Variants in ZSWIM6 observed in about 807,000 individuals in gnomAD.
ZSWIM6 encodes zinc finger SWIM-type containing 6, also known as zinc finger SWIM domain-containing protein 6.
A neutral mutation model predicts 113.2 loss-of-function variants in ZSWIM6; 9 were observed. That is an observed-to-expected ratio of 0.08 (90% CI 0.05 to 0.14). The LOEUF (loss-of-function observed/expected upper bound fraction) is 0.14, where lower values mean the gene tolerates loss of function less well. Among genes scored for constraint, ZSWIM6 ranks in the 10% least tolerant of loss-of-function variants. The pLI is 1.00. For synonymous variants in ZSWIM6, 611 were observed against 606.5 expected (o/e 1.01, Z -0.11); for missense variants, 1,162 against 1,552.2 (o/e 0.75, Z 4.22).
At chr5:61,338,075 GAGAAA>G (rs1340436464) in intron 1 of ZSWIM6, among the ~76,000 whole-genome samples, 1 of 151,886 alleles carries the variant, frequency 6.6e-6, no homozygotes, top group African/African-American at 2.4e-5. Context: ...TTACTTTTGG[GAGAAA>G]AGAATATCGC....
intron 1 of ZSWIM6, among the ~76,000 whole-genome samples, chr5:61,358,839 A>G (rs1286637441): frequency 6.6e-6 from 1 of 152,216 alleles, no homozygotes; most frequent in East Asian, 1.9e-4. Flanking sequence ...CATAGCACAC[A>G]GAAAATAATT....
In ZSWIM6 at chr5:61,503,123, C is replaced by T. The variant is rs111806848; in HGVS notation, c.1333+8713C>T. Among the ~76,000 whole-genome samples the T allele has an allele frequency of 4.7e-3, 721 of 152,282 alleles. 3 individuals carry two copies. The highest frequency in any genetic ancestry group is 0.017 in the African/African-American group (701 of 41,566). On this transcript the variant is annotated intron_variant, in intron 4 of 13. Transcript: ENST00000252744. ...AAGCTTGTCTGATAATTGTATAACA[C>T]TGTTTTCATGTTTTATTTTAAAATT...
chr5:61,396,488 G>A (rs1306682577), intron 1 of ZSWIM6, among the ~76,000 whole-genome samples: 1 of 143,040 alleles, frequency 7.0e-6, no homozygotes, highest in Non-Finnish European at 1.5e-5. Flanking sequence ...CCGACATCGC[G>A]CCACTGCACT....
At position 61,332,513 on chromosome 5, in the gene ZSWIM6, G is replaced by A; in HGVS notation, c.241G>A (p.Ala81Thr). The A allele has an allele frequency of 1.5e-6, 2 of 1,316,742 alleles. No individual in the cohort carries two copies. Among genetic ancestry groups the A allele is most frequent in the Admixed American group, 2.6e-5 (1 of 39,156 alleles). 81.6% of individuals were successfully genotyped at this position (1,316,742 alleles called of 1,614,324 possible). Residue 81 changes from alanine to threonine, a missense_variant, in exon 1 of 14, where the codon GCG becomes ACG. By Grantham distance (58) the Ala-to-Thr change is moderately conservative (BLOSUM62 0). This residue lies in a region of ZSWIM6 where 333 missense variants were observed against 293.4 expected (regional missense o/e 1.13). Coordinates refer to ENST00000252744, the MANE Select transcript of ZSWIM6 (RefSeq NM_020928.2). The stretch of plus-strand genomic sequence containing the variant: ...GAGCCCCGAGTCGCTGCTGGACATC[G>A]CGGCGCGCAGGGTGGCGGAGAAGTG... Reference protein sequence around the residue: ...TQSPESLLDIAARRVAEKWPF... With the variant: ...TQSPESLLDITARRVAEKWPF...
intron 4 of ZSWIM6, among the ~76,000 whole-genome samples, chr5:61,514,465 A>G (rs962897623): frequency 1.3e-5 from 2 of 151,818 alleles, no homozygotes; most frequent in Admixed American, 1.3e-4. Flanking sequence ...TCTTAGGGGA[A>G]GAATATTCAG....
chr5:61,339,981 A>G (rs966893446), intron 1 of ZSWIM6, among the ~76,000 whole-genome samples: 2 of 152,214 alleles, frequency 1.3e-5, no homozygotes, highest in Non-Finnish European at 2.9e-5. Flanking sequence ...TGTCTTGTGA[A>G]GAGACGTTTT....
At position 61,521,273 on chromosome 5, in the gene ZSWIM6, G is replaced by T. The variant is rs1242934936; in HGVS notation, c.1344G>T (p.Trp448Cys). ...CCTCCTTTAAATTAGGTGCTCTGTGGATGTGTATAGTTTTAAACCCCCACT... is the reference window on the plus strand; with the variant it reads ...CCTCCTTTAAATTAGGTGCTCTGTGTATGTGTATAGTTTTAAACCCCCACT... ...RQLWDELGALWMCIVLNPHCK... is the reference protein window; with the variant it reads ...RQLWDELGALCMCIVLNPHCK... The change falls in exon 5 of 14, where the codon TGG becomes TGT. Residue 448 changes from tryptophan (W) to cysteine (C), a missense_variant. By Grantham distance (215) the Trp-to-Cys change is radical. This residue lies in a region of ZSWIM6 where 620 missense variants were observed against 804.6 expected (regional missense o/e 0.77). Transcript: ENST00000252744. The T allele has an allele frequency of 7.1e-7, 1 of 1,416,800 alleles. No homozygotes were observed. Among genetic ancestry groups the T allele is most frequent in the Admixed American group, 2.6e-5 (1 of 38,882 alleles). The allele number at this position is 1,416,800 out of a possible 1,614,324, so 87.8% of individuals were successfully genotyped here.
At chr5:61,333,033 G>A in intron 1 of ZSWIM6, 85 bp downstream of exon 1, 2 of 1,076,174 alleles carry the variant, frequency 1.9e-6, no homozygotes, top group Non-Finnish European at 2.3e-6. Flanking sequence ...CCTGCGGACA[G>A]CCCCTAGTTC....
At chr5:61,384,045 T>C (rs1330610116) in intron 1 of ZSWIM6, among the ~76,000 whole-genome samples, 2 of 149,610 alleles carry the variant, frequency 1.3e-5, no homozygotes, top group East Asian at 4.0e-4. Context: ...ATCGAGACCA[T>C]CCTGGCTAAC....
At chr5:61,513,982 G>A (rs1748863877) in intron 4 of ZSWIM6, among the ~76,000 whole-genome samples, 1 of 151,970 alleles carries the variant, frequency 6.6e-6, no homozygotes, top group South Asian at 2.1e-4. Context: ...CACTGGCTAG[G>A]ATTTTCAGTG....
intron 1 of ZSWIM6, among the ~76,000 whole-genome samples, chr5:61,452,444 G>T (rs1272289859): frequency 6.6e-6 from 1 of 151,968 alleles, no homozygotes; most frequent in East Asian, 1.9e-4. Flanking sequence ...CCGTTCTCAT[G>T]GTATGAAAAA....
chr5:61,483,130 C>T lies in ZSWIM6; in HGVS notation c.1034-7656C>T, dbSNP rs542794939. Among the ~76,000 whole-genome samples the T allele has an allele frequency of 2.4e-4, 37 of 152,304 alleles. No individual in the cohort carries two copies. In the South Asian group the frequency reaches 7.0e-3, roughly 29 times the overall value. ...GACTGAGAAGTCCAAGGTTGAGAGG[C>T]TGCATCTTGTGGGAGCCTTCTTGCT... On this transcript the variant is annotated intron_variant, in intron 2 of 13. Transcript: ENST00000252744.
chr5:61,392,125 A>T (rs997941148), intron 1 of ZSWIM6, among the ~76,000 whole-genome samples: 2 of 152,224 alleles, frequency 1.3e-5, no homozygotes, highest in Non-Finnish European at 2.9e-5. Flanking sequence ...TATGTGAGAT[A>T]TCTTTATGTA....
At chr5:61,407,516 G>A (rs1346988471) in intron 1 of ZSWIM6, among the ~76,000 whole-genome samples, 1 of 151,836 alleles carries the variant, frequency 6.6e-6, no homozygotes, top group Non-Finnish European at 1.5e-5. Flanking sequence ...TTACCAAACT[G>A]GAAAAAATTT....
intron 1 of ZSWIM6, among the ~76,000 whole-genome samples, chr5:61,334,826 T>G (rs1489183512): frequency 6.6e-6 from 1 of 152,170 alleles, no homozygotes; most frequent in Non-Finnish European, 1.5e-5. Flanking sequence ...TGGAAGCACA[T>G]CTATGGCTTC....
intron 2 of ZSWIM6, 144 bp from the exon 3 acceptor site, chr5:61,490,642 C>T: frequency 1.3e-6 from 1 of 752,866 alleles, no homozygotes; most frequent in Non-Finnish European, 2.0e-6. Context: ...TAAGAGTGAT[C>T]CTTGTATTTA....
At chr5:61,422,113 G>A (rs1290886990) in intron 1 of ZSWIM6, among the ~76,000 whole-genome samples, 1 of 152,292 alleles carries the variant, frequency 6.6e-6, no homozygotes, top group Admixed American at 6.5e-5. Flanking sequence ...GCCTGTGCTT[G>A]TGGGATATTA....
At chr5:61,381,940 G>A (rs1288968990) in intron 1 of ZSWIM6, among the ~76,000 whole-genome samples, 1 of 152,168 alleles carries the variant, frequency 6.6e-6, no homozygotes, top group Non-Finnish European at 1.5e-5. Context: ...AATGAATTTG[G>A]TTGTAGCTAA....
intron 1 of ZSWIM6, among the ~76,000 whole-genome samples, chr5:61,333,720 C>G (rs1347680697): frequency 1.3e-5 from 2 of 152,126 alleles, no homozygotes; most frequent in South Asian, 2.1e-4. Flanking sequence ...TTAAAGGGCG[C>G]GAGCCTGAGG....
Sources: allele counts gnomAD v4.1 joint callset (sites outside exome capture counted in the v4.1 genomes callset), GRCh38; gene constraint gnomAD v4.1.1; regional missense constraint gnomAD v4.1.1; transcripts MANE v1.5; gene names NCBI Gene and HGNC (gene_info 2026-07-23, HGNC 2026-07-21).